Variants in ARHGEF4 observed in about 807,000 individuals in gnomAD.
ARHGEF4 encodes the protein APC-stimulated guanine nucleotide exchange factor 1.
ARHGEF4 carries 119 observed loss-of-function variants against 162.0 expected under a neutral mutation model. The observed-to-expected ratio is 0.73, with a 90% CI of 0.63 to 0.86. The LOEUF is 0.86. ARHGEF4 is among the 40% of genes least tolerant of loss of function. The pLI is 0.00. For missense variants in ARHGEF4, 2,488 were observed against 2,456.0 expected, an observed-to-expected ratio of 1.01 and a Z score of -0.28; for synonymous variants, 1,014 against 979.9, an observed-to-expected ratio of 1.03 and a Z score of -0.65.
At chr2:131,041,597 G>A in intron 9 of ARHGEF4, 135 bp downstream of exon 9, 3 of 1,110,332 alleles carry the variant, frequency 2.7e-6, no homozygotes, top group East Asian at 2.5e-5. Context: ...GTCCTGATGA[G>A]CTCCTTGCAA....
rs534297594 is a variant in ARHGEF4 at position 130,969,491 on chromosome 2, C to T, written c.3985+22856C>T. On this transcript the variant is annotated intron_variant, in intron 4 of 13. Coordinates refer to ENST00000409359, the MANE Select transcript of ARHGEF4 (RefSeq NM_001367493.1). Reference sequence around the variant, plus strand: ...GTGGGTGCCTGTAGTCCCAGCTACTCGGGAGGCTGAGGCAGGAGAATGGCA... The same window carrying T: ...GTGGGTGCCTGTAGTCCCAGCTACTTGGGAGGCTGAGGCAGGAGAATGGCA... Among the ~76,000 whole-genome samples, 14 of 151,508 alleles carry T rather than the reference C, an allele frequency of 9.2e-5. No homozygotes were observed. In the South Asian group the frequency reaches 1.9e-3, roughly 20 times the overall value.
intron 4 of ARHGEF4, among the ~76,000 whole-genome samples, chr2:130,999,904 G>T (rs905934979): frequency 1.3e-5 from 2 of 152,138 alleles, no homozygotes; most frequent in African/African-American, 2.4e-5. Context: ...TAGAGGCAGG[G>T]TTTCACCATG....
intron 4 of ARHGEF4, among the ~76,000 whole-genome samples, chr2:130,989,404 G>T (rs1249979101): frequency 1.3e-5 from 2 of 152,062 alleles, no homozygotes; most frequent in East Asian, 3.9e-4. Context: ...CCTAAAACAG[G>T]ATTATCTTCT....
intron 4 of ARHGEF4, among the ~76,000 whole-genome samples, chr2:130,992,629 ACACT>A (rs1239148749): frequency 6.6e-6 from 1 of 152,180 alleles, no homozygotes; most frequent in African/African-American, 2.4e-5. Flanking sequence ...AAGAGCTGTA[ACACT>A]CACCGCGAGG....
chr2:130,896,230 A>C (rs1680150150), intron 1 of ARHGEF4, among the ~76,000 whole-genome samples: 1 of 152,212 alleles, frequency 6.6e-6, no homozygotes, highest in South Asian at 2.1e-4. Flanking sequence ...TTAATACATG[A>C]ACTTTTGTTC....
intron 2 of ARHGEF4, among the ~76,000 whole-genome samples, chr2:130,928,254 C>G (rs1682415257): frequency 1.3e-5 from 2 of 152,178 alleles, no homozygotes; most frequent in Non-Finnish European, 2.9e-5. Flanking sequence ...GTTTAGAGGT[C>G]TCTTCTCTGA....
At chr2:130,928,602 T>G (rs970989756) in intron 2 of ARHGEF4, among the ~76,000 whole-genome samples, 2 of 152,170 alleles carry the variant, frequency 1.3e-5, no homozygotes, top group Admixed American at 6.5e-5. Context: ...TTACAAACTT[T>G]AAACCAGAAC....
intron 4 of ARHGEF4, among the ~76,000 whole-genome samples, chr2:131,009,593 AGCT>A (rs1283296295): frequency 2.0e-5 from 3 of 152,144 alleles, no homozygotes; most frequent in Non-Finnish European, 4.4e-5. Context: ...TCTGTCTTCA[AGCT>A]GCTATTTCTT....
At chr2:130,903,236 G>C (rs1005557692) in intron 1 of ARHGEF4, among the ~76,000 whole-genome samples, 2 of 136,334 alleles carry the variant, frequency 1.5e-5, no homozygotes, top group African/African-American at 5.4e-5. Flanking sequence ...GTTTTTTCCT[G>C]TTTATCTTGA....
At chr2:130,855,988 G>A (rs1681755036) in intron 1 of ARHGEF4, among the ~76,000 whole-genome samples, 1 of 152,180 alleles carries the variant, frequency 6.6e-6, no homozygotes, top group Admixed American at 6.5e-5. Flanking sequence ...AAATAGGAAA[G>A]TGTGACCCAT....
intron 4 of ARHGEF4, among the ~76,000 whole-genome samples, chr2:130,983,799 G>A (rs528523266): frequency 2.6e-5 from 4 of 151,974 alleles, no homozygotes; most frequent in African/African-American, 4.8e-5. Flanking sequence ...ACAGGCGTCC[G>A]CCACCACACC....
chr2:131,017,626 T>A lies in ARHGEF4; in HGVS notation c.3986-10319T>A, dbSNP rs541469738. Among the ~76,000 whole-genome samples, 4 of 152,136 alleles carry A rather than the reference T, an allele frequency of 2.6e-5. No homozygotes were observed. The South Asian group carries it at 8.3e-4, about 32-fold the overall frequency. The stretch of plus-strand genomic sequence containing the variant: ...CTGTTTTATTCCCCTCGAGAGACCA[T>A]TGCTTTTAAAATACCCCAGAAAAGA... On this transcript the variant is annotated intron_variant, in intron 4 of 13. Coordinates refer to ENST00000409359, the MANE Select transcript of ARHGEF4 (RefSeq NM_001367493.1).
At chr2:130,855,109 T>C (rs969100139) in intron 1 of ARHGEF4, among the ~76,000 whole-genome samples, 3 of 151,854 alleles carry the variant, frequency 2.0e-5, no homozygotes, top group Admixed American at 1.3e-4. Context: ...TCTCCTGACC[T>C]TGTGATCCGC....
chr2:130,872,073 G>T (rs1431403710), intron 1 of ARHGEF4, among the ~76,000 whole-genome samples: 3 of 152,260 alleles, frequency 2.0e-5, no homozygotes, highest in African/African-American at 2.4e-5. Context: ...TCAGGTCAGG[G>T]CAGGCAATCG....
chr2:130,901,036 C>G (rs1680458532), intron 1 of ARHGEF4, among the ~76,000 whole-genome samples: 1 of 152,142 alleles, frequency 6.6e-6, no homozygotes, highest in South Asian at 2.1e-4. Context: ...CTGGCCTGTT[C>G]TCCAAGTACC....
At chr2:131,021,870 G>C (rs11888012) in intron 4 of ARHGEF4, among the ~76,000 whole-genome samples, 1 of 152,008 alleles carries the variant, frequency 6.6e-6, no homozygotes, top group African/African-American at 2.4e-5. Context: ...ATGTTTTATC[G>C]TAAAAACTTG....
At chr2:130,886,994 T>G (rs145277642) in intron 1 of ARHGEF4, among the ~76,000 whole-genome samples, 283 of 152,172 alleles carry the variant, frequency 1.9e-3, no homozygotes, top group Non-Finnish European at 3.1e-3. Flanking sequence ...TTAATCTAGT[T>G]AGTATCCTTA....
chr2:131,034,636 CAG>C (rs1381985913), intron 5 of ARHGEF4, among the ~76,000 whole-genome samples: 2 of 152,216 alleles, frequency 1.3e-5, no homozygotes, highest in African/African-American at 2.4e-5. Context: ...TGTAAGGAAT[CAG>C]AGTCCCTGGC....
At chr2:130,940,292 A>G (rs2105131041) in intron 3 of ARHGEF4, among the ~76,000 whole-genome samples, 1 of 152,226 alleles carries the variant, frequency 6.6e-6, no homozygotes, top group South Asian at 2.1e-4. Context: ...AATATTTTGC[A>G]TAAAAGGAGA....
Sources: allele counts gnomAD v4.1 joint callset (sites outside exome capture counted in the v4.1 genomes callset), GRCh38; gene constraint gnomAD v4.1.1; transcripts MANE v1.5; gene names NCBI Gene and HGNC (gene_info 2026-07-23, HGNC 2026-07-21).